CAMK1D: variants seen among roughly 807,000 people sequenced by gnomAD.
CAMK1D encodes calcium/calmodulin-dependent protein kinase type 1D.
A neutral mutation model predicts 47.7 loss-of-function variants in CAMK1D; 9 were observed. The ratio of observed to expected loss-of-function variants is 0.19; its 90% confidence interval spans 0.11 to 0.33. The LOEUF (loss-of-function observed/expected upper bound fraction) is 0.33, where lower values mean the gene tolerates loss of function less well. Among genes scored for constraint, CAMK1D ranks in the 10% least tolerant of loss-of-function variants. CAMK1D has a pLI of 1.00. For missense variants in CAMK1D, 291 were observed against 488.7 expected (o/e 0.60, Z 3.81); for synonymous variants, 184 against 184.9 (o/e 0.99, Z 0.04).
intron 1 of CAMK1D, among the ~76,000 whole-genome samples, chr10:12,350,243 A>G (rs2131825670): frequency 6.6e-6 from 1 of 152,226 alleles, no homozygotes; most frequent in African/African-American, 2.4e-5. Flanking sequence ...CATGGTGGGG[A>G]TGGCTGTTTA....
intron 6 of CAMK1D, among the ~76,000 whole-genome samples, chr10:12,806,976 C>T (rs1276610142): frequency 6.6e-6 from 1 of 152,184 alleles, no homozygotes; most frequent in Non-Finnish European, 1.5e-5. Flanking sequence ...ACATCATGGG[C>T]CAGATCAGGT....
intron 1 of CAMK1D, among the ~76,000 whole-genome samples, chr10:12,443,618 CTATTT>C (rs754934302): frequency 6.6e-6 from 1 of 152,048 alleles, no homozygotes; most frequent in Non-Finnish European, 1.5e-5. Context: ...TGCTGGTTTC[CTATTT>C]TATTTTATTT....
intron 3 of CAMK1D, among the ~76,000 whole-genome samples, chr10:12,676,337 C>T (rs1840809139): frequency 6.6e-6 from 1 of 152,164 alleles, no homozygotes; most frequent in Non-Finnish European, 1.5e-5. Flanking sequence ...GACATATACC[C>T]CAAGCTCTCC....
At chr10:12,628,772 C>T (rs994849683) in intron 2 of CAMK1D, among the ~76,000 whole-genome samples, 1 of 152,164 alleles carries the variant, frequency 6.6e-6, no homozygotes, top group South Asian at 2.1e-4. Context: ...CTGTTTTCCA[C>T]CTGTTCTTCC....
At chr10:12,764,828 G>GCT (rs1338627187) in intron 4 of CAMK1D, among the ~76,000 whole-genome samples, 1 of 152,218 alleles carries the variant, frequency 6.6e-6, no homozygotes, top group African/African-American at 2.4e-5. Context: ...CAGTGCGGTG[G>GCT]CTCATGCCTG....
At chr10:12,472,401 C>T (rs1002498009) in intron 1 of CAMK1D, among the ~76,000 whole-genome samples, 1 of 152,102 alleles carries the variant, frequency 6.6e-6, no homozygotes, top group Non-Finnish European at 1.5e-5. Flanking sequence ...TCTTCTCATT[C>T]GAACACATCC....
intron 1 of CAMK1D, among the ~76,000 whole-genome samples, chr10:12,432,446 C>T (rs1832510889): frequency 6.8e-6 from 1 of 146,594 alleles, no homozygotes; most frequent in Non-Finnish European, 1.5e-5. Flanking sequence ...TGAGTGAGTA[C>T]ACGAATAAAT....
At chr10:12,629,812 A>G (rs976483601) in intron 2 of CAMK1D, among the ~76,000 whole-genome samples, 1 of 152,254 alleles carries the variant, frequency 6.6e-6, no homozygotes, top group Non-Finnish European at 1.5e-5. Flanking sequence ...AAGGAGGAGA[A>G]CATCCATTGA....
chr10:12,439,108 T>G (rs1832712501), intron 1 of CAMK1D, among the ~76,000 whole-genome samples: 1 of 152,212 alleles, frequency 6.6e-6, no homozygotes, highest in Non-Finnish European at 1.5e-5. Flanking sequence ...CTATCGTCTG[T>G]GTCTACCAGG....
chr10:12,775,085 G>C (rs1298607111), intron 5 of CAMK1D, among the ~76,000 whole-genome samples: 188 of 108,974 alleles, frequency 1.7e-3, no homozygotes, highest in African/African-American at 6.2e-3. Flanking sequence ...GAAGGCTCAG[G>C]CATTGATCAG....
At chr10:12,783,536 T>C (rs940792270) in intron 5 of CAMK1D, among the ~76,000 whole-genome samples, 4 of 152,126 alleles carry the variant, frequency 2.6e-5, no homozygotes, top group Non-Finnish European at 1.5e-5. Flanking sequence ...TGGCACGTCC[T>C]TGGGGCTCGG....
chr10:12,791,228 C>T lies in CAMK1D; in HGVS notation c.636C>T (p.Tyr212=), dbSNP rs767125961. Reference sequence around the variant, plus strand: ...GCTGGTCCATCGGAGTGATTGCCTACATCTTGTAAGTACTGCCTGCTGCCT... The same window carrying T: ...GCTGGTCCATCGGAGTGATTGCCTATATCTTGTAAGTACTGCCTGCTGCCT... ...VDCWSIGVIA[Y]ILLCGYPPFY... Residue 212 remains tyrosine (Y), a synonymous_variant, in exon 6 of 11, where the codon TAC becomes TAT. Transcript: ENST00000619168. 1 of 1,614,100 alleles carries T rather than the reference C, an allele frequency of 6.2e-7. No homozygotes were observed. Among genetic ancestry groups the T allele is most frequent in the Non-Finnish European group, 8.5e-7 (1 of 1,179,918 alleles).
chr10:12,755,327 T>A (rs1244384423), intron 3 of CAMK1D, among the ~76,000 whole-genome samples: 2 of 152,132 alleles, frequency 1.3e-5, no homozygotes, highest in African/African-American at 2.4e-5. Context: ...AGCTGCGTTT[T>A]GTGGGAAGAG....
chr10:12,536,676 A>G (rs114539149), intron 1 of CAMK1D, among the ~76,000 whole-genome samples: 1,826 of 152,150 alleles, frequency 0.012, 44 homozygotes, highest in African/African-American at 0.042. Context: ...TACTTTCACT[A>G]CCTATGTATG....
intron 2 of CAMK1D, among the ~76,000 whole-genome samples, chr10:12,615,574 T>TGC (rs72033801): frequency 0.3 from 10,583 of 35,676 alleles, 1,135 homozygotes; most frequent in East Asian, 0.47. Flanking sequence ...ATCGTGTGTG[T>TGC]GCGTGTGTGT....
chr10:12,796,843 C>T (rs1003013402), intron 6 of CAMK1D, among the ~76,000 whole-genome samples: 1 of 152,098 alleles, frequency 6.6e-6, no homozygotes, highest in Non-Finnish European at 1.5e-5. Flanking sequence ...TCTGTTTATT[C>T]ATCTTGTTCA....
chr10:12,771,189 C>T (rs547367381), intron 5 of CAMK1D, among the ~76,000 whole-genome samples: 432 of 152,316 alleles, frequency 2.8e-3, no homozygotes, highest in South Asian at 0.011. Context: ...CTCAGCCTCC[C>T]AAAGTGCCAG....
At chr10:12,690,415 C>T (rs568546892) in intron 3 of CAMK1D, among the ~76,000 whole-genome samples, 5 of 152,010 alleles carry the variant, frequency 3.3e-5, no homozygotes, top group African/African-American at 7.2e-5. Flanking sequence ...GAAGGGAGGG[C>T]GAAGTTGTTA....
At chr10:12,382,551 A>T (rs764376321) in intron 1 of CAMK1D, among the ~76,000 whole-genome samples, 4 of 152,164 alleles carry the variant, frequency 2.6e-5, no homozygotes, top group Non-Finnish European at 4.4e-5. Flanking sequence ...CAGGATGGGC[A>T]TGGTGGCTCA....
Sources: gnomAD v4.1 joint callset for allele counts (sites outside exome capture counted in the v4.1 genomes callset) on GRCh38, gnomAD v4.1.1 for gene constraint, MANE v1.5 for transcripts, NCBI Gene and HGNC (gene_info 2026-07-23, HGNC 2026-07-21) for gene names.